Variants in RNF130 observed in about 807,000 individuals in gnomAD.
The protein encoded by RNF130 is E3 ubiquitin-protein ligase RNF130.
RNF130 carries 21 observed loss-of-function variants against 44.6 expected under a neutral mutation model. The ratio of observed to expected loss-of-function variants is 0.47; its 90% CI spans 0.33 to 0.68. The LOEUF is 0.68. Ranked by LOEUF, RNF130 falls within the 30% of genes least tolerant of loss-of-function variation. The probability of loss-of-function intolerance (pLI) is 0.02; values close to 1 mark genes in which losing one functional copy is unlikely to be tolerated. For synonymous variants in RNF130, 214 were observed against 210.4 expected (o/e 1.02, Z -0.15); for missense variants, 479 against 560.6 (o/e 0.85, Z 1.47).
chr5:179,924,368 G>A (rs1272974888), intron 7 of RNF130, among the ~76,000 whole-genome samples: 7 of 150,520 alleles, frequency 4.7e-5, no homozygotes, highest in Admixed American at 3.3e-4. Context: ...GGTGGCGCAT[G>A]GCTGTAATCC....
At chr5:180,031,215 G>A (rs1209339161) in intron 2 of RNF130, among the ~76,000 whole-genome samples, 5 of 152,146 alleles carry the variant, frequency 3.3e-5, no homozygotes, top group African/African-American at 4.8e-5. Context: ...GGCTGGGCAC[G>A]GTGGCTCACG....
At chr5:179,947,309 C>T (rs1762056016) in intron 7 of RNF130, among the ~76,000 whole-genome samples, 1 of 152,198 alleles carries the variant, frequency 6.6e-6, no homozygotes, top group South Asian at 2.1e-4. Flanking sequence ...ACAGTAAAGT[C>T]CGTGCCCTGT....
chr5:180,020,316 G>A (rs992583049), intron 2 of RNF130, among the ~76,000 whole-genome samples: 13 of 152,190 alleles, frequency 8.5e-5, no homozygotes, highest in South Asian at 6.2e-4. Flanking sequence ...GGGGAAGCAC[G>A]TGACTACGGA....
chr5:179,997,226 C>G (rs1478506282), intron 3 of RNF130, among the ~76,000 whole-genome samples: 1 of 152,196 alleles, frequency 6.6e-6, no homozygotes, highest in East Asian at 1.9e-4. Context: ...ACTGCAACCT[C>G]TGCCTCCTGG....
intron 6 of RNF130, among the ~76,000 whole-genome samples, chr5:179,967,294 C>A (rs551913793): frequency 1.3e-3 from 194 of 152,276 alleles, no homozygotes; most frequent in Non-Finnish European, 2.0e-3. Context: ...CACAGGGAGT[C>A]GTAATCATTA....
At chr5:179,990,853 C>G (rs1386170996) in intron 3 of RNF130, among the ~76,000 whole-genome samples, 1 of 152,078 alleles carries the variant, frequency 6.6e-6, no homozygotes, top group Non-Finnish European at 1.5e-5. Flanking sequence ...GTAAGGATTA[C>G]TATAATATTG....
intron 7 of RNF130, among the ~76,000 whole-genome samples, chr5:179,938,247 C>T (rs866896412): frequency 9.2e-5 from 14 of 152,070 alleles, no homozygotes; most frequent in South Asian, 6.2e-4. Context: ...CACGAGTCAC[C>T]GCGCCCAACC....
intron 3 of RNF130, among the ~76,000 whole-genome samples, chr5:179,985,543 A>G (rs1054588888): frequency 1.3e-5 from 2 of 152,108 alleles, no homozygotes; most frequent in Admixed American, 6.5e-5. Context: ...GCATTATCCA[A>G]TATCAAAAAA....
intron 3 of RNF130, among the ~76,000 whole-genome samples, chr5:179,994,759 C>T (rs1456030091): frequency 6.6e-6 from 1 of 152,182 alleles, no homozygotes; most frequent in Non-Finnish European, 1.5e-5. Flanking sequence ...AAGTGCTGTG[C>T]ACTTATGTAA....
At chr5:179,967,695 G>C (rs577160870) in intron 6 of RNF130, among the ~76,000 whole-genome samples, 7 of 152,116 alleles carry the variant, frequency 4.6e-5, no homozygotes, top group African/African-American at 1.7e-4. Flanking sequence ...TCAGCAGGCA[G>C]CAGCAGGCAG....
In RNF130 at chr5:180,066,794, T is replaced by C. The variant is rs963065460; in HGVS notation, c.247+4662A>G. On this transcript the variant is annotated intron_variant, in intron 1 of 8. Coordinates refer to ENST00000521389, the MANE Select transcript of RNF130 (RefSeq NM_018434.6). ...GTTGCGGTGAGCCGAGATCGCGCCATTGCACTCCGCCTGGGCAACAAGAGC... is the reference window on the plus strand; with the variant it reads ...GTTGCGGTGAGCCGAGATCGCGCCACTGCACTCCGCCTGGGCAACAAGAGC... Among the ~76,000 whole-genome samples the C allele has an allele frequency of 3.3e-5, 5 of 151,880 alleles. No individual in the cohort carries two copies. The East Asian group carries it at 5.8e-4, about 18-fold the overall frequency.
In RNF130 at chr5:179,980,159, C is replaced by A; in HGVS notation, c.735G>T (p.Leu245Phe). The A allele has an allele frequency of 6.2e-7, 1 of 1,614,096 alleles. No homozygotes were observed. Among genetic ancestry groups the A allele is most frequent in the South Asian group, 1.1e-5 (1 of 91,072 alleles). ...CACCCTTCTTTACTGTCCTGGTTGTCAATTTACTGATGGCTTTCTTGGCTG... is the reference window on the plus strand; with the variant it reads ...CACCCTTCTTTACTGTCCTGGTTGTAAATTTACTGATGGCTTTCTTGGCTG... ...GDAAKKAISK[L>F]TTRTVKKGDK... is the part of the protein sequence containing the mutation. The change falls in exon 4 of 9, where the codon TTG becomes TTT. Residue 245 changes from leucine to phenylalanine, a missense_variant. Transcript: ENST00000521389.
At chr5:179,983,602 A>C (rs1297843894) in intron 3 of RNF130, among the ~76,000 whole-genome samples, 1 of 152,144 alleles carries the variant, frequency 6.6e-6, no homozygotes, top group Non-Finnish European at 1.5e-5. Flanking sequence ...CTATTCTAAC[A>C]TCCTTGTGGT....
At chr5:179,979,945 A>T (rs1045955025) in intron 4 of RNF130, among the ~76,000 whole-genome samples, 184 bp downstream of exon 4, 5 of 152,338 alleles carry the variant, frequency 3.3e-5, no homozygotes, top group African/African-American at 1.2e-4. Flanking sequence ...AGCAGAAGAA[A>T]CCTCTGTAGG....
intron 6 of RNF130, among the ~76,000 whole-genome samples, chr5:179,968,979 G>A (rs1305673728): frequency 6.6e-6 from 1 of 152,144 alleles, no homozygotes; most frequent in East Asian, 1.9e-4. Flanking sequence ...AGGACAAATG[G>A]GGCATTACTG....
At chr5:180,060,703 G>C (rs1404126549) in intron 1 of RNF130, among the ~76,000 whole-genome samples, 1 of 152,144 alleles carries the variant, frequency 6.6e-6, no homozygotes, top group Non-Finnish European at 1.5e-5. Flanking sequence ...TAGTCTTCTG[G>C]AGAAAGGTAC....
At chr5:180,005,495 T>C (rs1763446253) in intron 3 of RNF130, among the ~76,000 whole-genome samples, 1 of 152,232 alleles carries the variant, frequency 6.6e-6, no homozygotes, top group Admixed American at 6.5e-5. Context: ...AACTTTCTTA[T>C]GTGATTCATG....
intron 7 of RNF130, among the ~76,000 whole-genome samples, chr5:179,929,255 C>A (rs1282467690): frequency 2.6e-5 from 4 of 152,204 alleles, no homozygotes; most frequent in Non-Finnish European, 4.4e-5. Context: ...CCACCTCTGT[C>A]ATGAGCCAAG....
At position 180,064,524 on chromosome 5, in the gene RNF130, C is replaced by G. The variant is rs371960267; in HGVS notation, c.247+6932G>C. Among the ~76,000 whole-genome samples the G allele has an allele frequency of 4.6e-4, 70 of 152,328 alleles. 1 individual carries two copies. The South Asian group carries it at 0.014, about 31-fold the overall frequency. On this transcript the variant is annotated intron_variant, in intron 1 of 8. Transcript: ENST00000521389. Reference sequence around the variant, plus strand: ...TAGCCATCATTTCTTGGTTTGCCAACTTTGGAAATTGTGTGCAGATATATG... The same window carrying G: ...TAGCCATCATTTCTTGGTTTGCCAAGTTTGGAAATTGTGTGCAGATATATG...
Sources: gnomAD v4.1 joint callset for allele counts (sites outside exome capture counted in the v4.1 genomes callset) on GRCh38, gnomAD v4.1.1 for gene constraint, MANE v1.5 for transcripts, NCBI Gene and HGNC (gene_info 2026-07-23, HGNC 2026-07-21) for gene names.